DCDC1: variants seen among roughly 807,000 people sequenced by gnomAD.
The protein encoded by DCDC1 is doublecortin domain-containing protein 1.
In DCDC1, 200 loss-of-function variants were observed where a neutral mutation model predicts 178.3. The observed-to-expected ratio is 1.12, with a 90% confidence interval of 1.00 to 1.26. The LOEUF (loss-of-function observed/expected upper bound fraction) is 1.26. Among genes scored for constraint, DCDC1 ranks in the 50% most tolerant of loss-of-function variants. The pLI is 0.00. For synonymous variants in DCDC1, 690 were observed against 604.8 expected (o/e 1.14, Z -2.07); for missense variants, 1,983 against 1,749.2 (o/e 1.13, Z -2.38).
At chr11:31,207,348 T>C (rs1002333020) in intron 9 of DCDC1, among the ~76,000 whole-genome samples, 2 of 152,216 alleles carry the variant, frequency 1.3e-5, no homozygotes, top group African/African-American at 4.8e-5. Context: ...ATACAAGACA[T>C]AAAACCAAGT....
At chr11:31,154,337 A>G (rs938105601) in intron 9 of DCDC1, among the ~76,000 whole-genome samples, 2 of 152,204 alleles carry the variant, frequency 1.3e-5, no homozygotes, top group African/African-American at 4.8e-5. Flanking sequence ...ACACTCACAC[A>G]TACACTCAGA....
intron 15 of DCDC1, among the ~76,000 whole-genome samples, chr11:31,097,998 T>C (rs1021192767): frequency 1.3e-5 from 2 of 152,192 alleles, no homozygotes; most frequent in East Asian, 1.9e-4. Context: ...TCCAAAATTA[T>C]AATTTGATGT....
chr11:30,961,297 T>C (rs565814496), intron 20 of DCDC1, among the ~76,000 whole-genome samples: 1 of 152,216 alleles, frequency 6.6e-6, no homozygotes, highest in South Asian at 2.1e-4. Context: ...AAAGAAATAG[T>C]CTTTTTCATA....
chr11:31,029,402 T>G (rs1953470068), intron 20 of DCDC1, among the ~76,000 whole-genome samples: 1 of 152,140 alleles, frequency 6.6e-6, no homozygotes, highest in African/African-American at 2.4e-5. Flanking sequence ...TAAGTGGCTC[T>G]TTAAAGAAAG....
At chr11:30,981,777 C>A (rs1397289418) in intron 20 of DCDC1, among the ~76,000 whole-genome samples, 2 of 152,110 alleles carry the variant, frequency 1.3e-5, no homozygotes, top group Non-Finnish European at 2.9e-5. Flanking sequence ...CATTTAAAAT[C>A]TATGCTAAAG....
chr11:30,924,097 C>T (rs936706265), intron 23 of DCDC1, among the ~76,000 whole-genome samples: 1 of 152,156 alleles, frequency 6.6e-6, no homozygotes, highest in African/African-American at 2.4e-5. Context: ...ACCTGCTTTG[C>T]CATGGTGGCC....
chr11:30,987,389 TAC>T (rs1479460892), intron 20 of DCDC1, among the ~76,000 whole-genome samples: 3 of 152,168 alleles, frequency 2.0e-5, no homozygotes, highest in Admixed American at 6.5e-5. Context: ...CTTAATTATC[TAC>T]AATGCCAGAA....
intron 3 of DCDC1, among the ~76,000 whole-genome samples, chr11:31,311,276 T>G (rs530162356): frequency 2.6e-5 from 4 of 152,212 alleles, no homozygotes; most frequent in African/African-American, 9.6e-5. Flanking sequence ...ACGGCCCAGC[T>G]GGAGATAGGA....
At chr11:31,061,444 T>C (rs1955912600) in intron 20 of DCDC1, among the ~76,000 whole-genome samples, 1 of 152,026 alleles carries the variant, frequency 6.6e-6, no homozygotes, top group Non-Finnish European at 1.5e-5. Context: ...TCAGTGATCA[T>C]TTTAGATTGT....
At chr11:31,098,553 C>T (rs998099675) in intron 15 of DCDC1, among the ~76,000 whole-genome samples, 1 of 152,180 alleles carries the variant, frequency 6.6e-6, no homozygotes, top group East Asian at 1.9e-4. Flanking sequence ...ATCTCTATCT[C>T]AAGCCAATTT....
chr11:31,277,930 C>A (rs1279547525), intron 7 of DCDC1, among the ~76,000 whole-genome samples: 1 of 152,004 alleles, frequency 6.6e-6, no homozygotes, highest in South Asian at 2.1e-4. Context: ...AAAGTATAAT[C>A]ATTTTTTGTT....
intron 20 of DCDC1, among the ~76,000 whole-genome samples, chr11:31,037,155 T>TA (rs1954093730): frequency 6.6e-6 from 1 of 152,186 alleles, no homozygotes; most frequent in South Asian, 2.1e-4. Context: ...ACTTCATCAG[T>TA]ATCATTTTAA....
At chr11:31,226,827 T>C (rs1435287184) in intron 9 of DCDC1, among the ~76,000 whole-genome samples, 1 of 151,632 alleles carries the variant, frequency 6.6e-6, no homozygotes, top group African/African-American at 2.4e-5. Context: ...TCAAAACCCA[T>C]AAGTATGTGG....
At chr11:30,994,982 A>T (rs1951179987) in intron 20 of DCDC1, among the ~76,000 whole-genome samples, 1 of 151,492 alleles carries the variant, frequency 6.6e-6, no homozygotes, top group Non-Finnish European at 1.5e-5. Context: ...GGAAGAAAGA[A>T]ATATAAGAGT....
intron 20 of DCDC1, among the ~76,000 whole-genome samples, chr11:31,002,783 G>C (rs547273263): frequency 6.6e-6 from 1 of 152,144 alleles, no homozygotes; most frequent in African/African-American, 2.4e-5. Context: ...GAGCATATTT[G>C]TGACCAAACA....
chr11:31,310,912 C>A (rs185527433), intron 3 of DCDC1, among the ~76,000 whole-genome samples: 1 of 152,196 alleles, frequency 6.6e-6, no homozygotes, highest in African/African-American at 2.4e-5. Flanking sequence ...ATTGGAAGGC[C>A]ATTCATGGCT....
intron 8 of DCDC1, among the ~76,000 whole-genome samples, chr11:31,243,558 C>T (rs896719350): frequency 6.6e-6 from 1 of 151,626 alleles, no homozygotes; most frequent in African/African-American, 2.4e-5. Flanking sequence ...TTATTTATGT[C>T]AGCTCAAGGG....
chr11:31,305,919 TATAGAA>T, intron 5 of DCDC1, 142 bp from the exon 6 acceptor site: 2 of 1,018,680 alleles, frequency 2.0e-6, no homozygotes, highest in Non-Finnish European at 1.4e-6. Context: ...CAGTTGAAAA[TATAGAA>T]ATAAAAGGTA....
chr11:31,160,471 T>C (rs925822834), intron 9 of DCDC1, among the ~76,000 whole-genome samples: 1 of 152,172 alleles, frequency 6.6e-6, no homozygotes, highest in Non-Finnish European at 1.5e-5. Context: ...GGATTATAGA[T>C]GTGTTTTCAT....
Sources: gnomAD v4.1 joint callset for allele counts (sites outside exome capture counted in the v4.1 genomes callset) on GRCh38, gnomAD v4.1.1 for gene constraint, MANE v1.5 for transcripts, NCBI Gene and HGNC (gene_info 2026-07-23, HGNC 2026-07-21) for gene names.